The following ITSN1 variants were observed in gnomAD, a reference collection of about 807,000 sequenced individuals.
ITSN1 encodes the protein intersectin-1.
In ITSN1, 58 loss-of-function variants were observed where a neutral mutation model predicts 239.8. The observed-to-expected ratio is 0.24, with a 90% CI of 0.20 to 0.30. The LOEUF (loss-of-function observed/expected upper bound fraction) is 0.30. Ranked by LOEUF, ITSN1 falls within the 10% of genes least tolerant of loss-of-function variation. ITSN1 has a pLI of 1.00. For missense variants in ITSN1, 1,558 were observed against 2,103.3 expected (o/e 0.74, Z 5.07); for synonymous variants, 780 against 770.8 (o/e 1.01, Z -0.20).
At chr21:33,710,470 A>T (rs2092383930) in intron 1 of ITSN1, among the ~76,000 whole-genome samples, 1 of 152,124 alleles carries the variant, frequency 6.6e-6, no homozygotes. Flanking sequence ...TATTCTGCTA[A>T]TATAGTATAT....
chr21:33,727,245 A>G (rs2065882419), intron 4 of ITSN1, among the ~76,000 whole-genome samples: 1 of 152,120 alleles, frequency 6.6e-6, no homozygotes, highest in Non-Finnish European at 1.5e-5. Context: ...AATTTTTTCA[A>G]CTTTGCTATG....
At chr21:33,684,570 AGTTTTCCTAGGG>A (rs1169188959) in intron 1 of ITSN1, among the ~76,000 whole-genome samples, 1 of 152,184 alleles carries the variant, frequency 6.6e-6, no homozygotes, top group Non-Finnish European at 1.5e-5. Context: ...GGGTAGAAAC[AGTTTTCCTAGGG>A]TACTTATAAT....
chr21:33,812,974 G>C (rs2073012663), intron 21 of ITSN1, among the ~76,000 whole-genome samples: 1 of 152,026 alleles, frequency 6.6e-6, no homozygotes, highest in East Asian at 1.9e-4. Flanking sequence ...CTCCATAGGT[G>C]GCATGTAGCT....
chr21:33,728,038 C>T (rs2065936266), intron 4 of ITSN1, among the ~76,000 whole-genome samples: 1 of 151,352 alleles, frequency 6.6e-6, no homozygotes, highest in Non-Finnish European at 1.5e-5. Context: ...AATCTGGGCT[C>T]ACTGCAACCT....
At chr21:33,822,996 A>G (rs1279232793) in intron 24 of ITSN1, among the ~76,000 whole-genome samples, 4 of 152,252 alleles carry the variant, frequency 2.6e-5, no homozygotes, top group African/African-American at 2.4e-5. Context: ...CGAAGGATAT[A>G]TGCTATCTAA....
intron 5 of ITSN1, among the ~76,000 whole-genome samples, chr21:33,736,883 G>A (rs2066535978): frequency 6.6e-6 from 1 of 152,190 alleles, no homozygotes; most frequent in Non-Finnish European, 1.5e-5. Flanking sequence ...CACTTGGGAA[G>A]CTGAGACAAG....
intron 5 of ITSN1, among the ~76,000 whole-genome samples, chr21:33,742,434 A>G (rs2066919203): frequency 1.3e-5 from 2 of 152,236 alleles, no homozygotes; most frequent in African/African-American, 2.4e-5. Context: ...GTACATTTGT[A>G]ACAGTGCAGG....
At chr21:33,825,960 T>C (rs111636350) in intron 25 of ITSN1, among the ~76,000 whole-genome samples, 300 of 152,362 alleles carry the variant, frequency 2.0e-3, no homozygotes, top group African/African-American at 6.8e-3. Context: ...GCCTTTTGTT[T>C]TGTTTTAATT....
Position 33,893,657 on chromosome 21 carries a change from C to A in ITSN1, c.*5357C>A, listed in dbSNP as rs1202266422. Reference sequence around the variant, plus strand: ...GACCTGACACGGAGGAAGTAATTGGCTGGTCAACTTAATGGCGCCCCACAG... The same window carrying A: ...GACCTGACACGGAGGAAGTAATTGGATGGTCAACTTAATGGCGCCCCACAG... On this transcript the variant is annotated 3_prime_UTR_variant, in exon 40 of 40. Transcript: ENST00000381318. The A allele has an allele frequency of 6.6e-6, 1 of 152,206 alleles. No individual in the cohort carries two copies. The highest frequency in any genetic ancestry group is 1.9e-4 in the East Asian group (1 of 5,194). 9.4% of individuals were successfully genotyped at this position (152,206 alleles called of 1,614,324 possible).
At chr21:33,749,191 T>C (rs1416061381) in intron 5 of ITSN1, among the ~76,000 whole-genome samples, 1 of 152,124 alleles carries the variant, frequency 6.6e-6, no homozygotes, top group Non-Finnish European at 1.5e-5. Flanking sequence ...GATTTTGCTA[T>C]GTTGCCCTGT....
In ITSN1 at chr21:33,896,746, A is replaced by T. The variant is rs973552269; in HGVS notation, c.*8446A>T. On this transcript the variant is annotated 3_prime_UTR_variant, in exon 40 of 40. Coordinates refer to ENST00000381318, the MANE Select transcript of ITSN1 (RefSeq NM_003024.3). ...TTGTTGCTTTCTTTCACGAGCTTTT[A>T]CTTTTCCTGGGCTGGACGCTCCAAA... 1 of 152,252 alleles carries T rather than the reference A, an allele frequency of 6.6e-6. No individual in the cohort carries two copies. Among genetic ancestry groups the T allele is most frequent in the East Asian group, 1.9e-4 (1 of 5,200 alleles). The allele number at this position is 152,252 out of a possible 1,614,324, so 9.4% of individuals were successfully genotyped here. A position where few individuals can be genotyped will look rare whatever the true frequency, so the allele number is the denominator to read the frequency against.
At chr21:33,673,271 T>C (rs1003801433) in intron 1 of ITSN1, among the ~76,000 whole-genome samples, 1 of 152,170 alleles carries the variant, frequency 6.6e-6, no homozygotes, top group African/African-American at 2.4e-5. Context: ...GTGGGAGATG[T>C]AGGTCAAAGT....
intron 29 of ITSN1, among the ~76,000 whole-genome samples, chr21:33,845,743 A>G (rs1354211352): frequency 6.6e-6 from 1 of 152,098 alleles, no homozygotes; most frequent in African/African-American, 2.4e-5. Context: ...TTCTTCTGCC[A>G]CCTTTGAGTC....
intron 3 of ITSN1, 25 bp from the exon 4 acceptor site, chr21:33,722,563 G>A: frequency 3.8e-6 from 5 of 1,324,112 alleles, no homozygotes; most frequent in Admixed American, 3.0e-5. Flanking sequence ...TTTTTTTCCT[G>A]AAACTTTTTC....
chr21:33,724,583 C>T (rs1426786855), intron 4 of ITSN1, among the ~76,000 whole-genome samples: 1 of 152,168 alleles, frequency 6.6e-6, no homozygotes, highest in African/African-American at 2.4e-5. Context: ...GTGTTATATT[C>T]CCAATTTTTC....
At chr21:33,833,871 CAAAAAAA>C (rs923200436) in intron 27 of ITSN1, among the ~76,000 whole-genome samples, 1 of 61,228 alleles carries the variant, frequency 1.6e-5, no homozygotes, top group Non-Finnish European at 3.6e-5. Context: ...GACTCCGTCT[CAAAAAAA>C]AAAAAAAAAA....
chr21:33,654,563 C>T (rs1410875018), intron 1 of ITSN1, among the ~76,000 whole-genome samples: 2 of 152,144 alleles, frequency 1.3e-5, no homozygotes, highest in Non-Finnish European at 2.9e-5. Flanking sequence ...CATCCAATTT[C>T]TTCCTACCTC....
chr21:33,838,922 C>T (rs187041019), intron 29 of ITSN1, among the ~76,000 whole-genome samples: 185 of 152,300 alleles, frequency 1.2e-3, no homozygotes, highest in African/African-American at 4.2e-3. Context: ...ACATGCCCCA[C>T]GTTGTCTGGG....
intron 1 of ITSN1, among the ~76,000 whole-genome samples, chr21:33,712,978 A>G (rs1351942851): frequency 6.6e-6 from 1 of 150,878 alleles, no homozygotes; most frequent in East Asian, 2.0e-4. Flanking sequence ...CCTGGGTTCA[A>G]GCGATTCTTG....
Sources: gnomAD v4.1 joint callset for allele counts (sites outside exome capture counted in the v4.1 genomes callset) on GRCh38, gnomAD v4.1.1 for gene constraint, MANE v1.5 for transcripts, NCBI Gene and HGNC (gene_info 2026-07-23, HGNC 2026-07-21) for gene names.